The following SHISA9 variants were observed in gnomAD, a reference collection of about 807,000 sequenced individuals.
The protein encoded by SHISA9 is shisa family member 9.
In SHISA9, 13 loss-of-function variants were observed where a neutral mutation model predicts 38.0. That is an observed-to-expected ratio of 0.34 (90% CI 0.22 to 0.54). The LOEUF (loss-of-function observed/expected upper bound fraction) is 0.54. Among genes scored for constraint, SHISA9 ranks in the 20% least tolerant of loss-of-function variants. SHISA9 has a pLI of 0.91. For synonymous variants in SHISA9, 275 were observed against 242.0 expected, an observed-to-expected ratio of 1.14 and a Z score of -1.27; for missense variants, 538 against 575.8, an observed-to-expected ratio of 0.93 and a Z score of 0.67.
At chr16:13,004,421 C>T (rs1235790018) in intron 2 of SHISA9, among the ~76,000 whole-genome samples, 1 of 152,170 alleles carries the variant, frequency 6.6e-6, no homozygotes, top group Non-Finnish European at 1.5e-5. Context: ...TCGGTTCATG[C>T]TCTCTTTTTG....
the SHISA9 span, among the ~76,000 whole-genome samples, chr16:13,371,642 C>T: frequency 2.6e-4 from 39 of 152,330 alleles, 1 homozygote; most frequent in East Asian, 5.0e-3. Flanking sequence ...GTAAGATTAG[C>T]GATGTCCCTT....
chr16:12,985,964 C>T (rs559740109), intron 2 of SHISA9, among the ~76,000 whole-genome samples: 27 of 152,180 alleles, frequency 1.8e-4, no homozygotes, highest in African/African-American at 4.8e-4. Flanking sequence ...ACCAGGCCAG[C>T]GGTGGGGCCG....
the SHISA9 span, among the ~76,000 whole-genome samples, chr16:13,367,011 T>G: frequency 3.4e-5 from 5 of 146,992 alleles, no homozygotes; most frequent in Non-Finnish European, 7.5e-5. Context: ...AGAAGAAGAA[T>G]CGAGGTTGTA....
chr16:13,302,814 G>C, the SHISA9 span, among the ~76,000 whole-genome samples: 4 of 152,296 alleles, frequency 2.6e-5, no homozygotes, highest in East Asian at 7.7e-4. Context: ...CTTGGTGGGA[G>C]GTAATTGGGT....
chr16:13,140,761 G>A (rs78963900), intron 2 of SHISA9, among the ~76,000 whole-genome samples: 19 of 152,188 alleles, frequency 1.2e-4, no homozygotes, highest in East Asian at 1.9e-4. Flanking sequence ...TGTGAATTCT[G>A]TAGGGAGGGT....
At chr16:13,075,901 T>C (rs2073575482) in intron 2 of SHISA9, among the ~76,000 whole-genome samples, 1 of 152,136 alleles carries the variant, frequency 6.6e-6, no homozygotes, top group South Asian at 2.1e-4. Flanking sequence ...CTAGGGTGTT[T>C]AGCAACATCC....
At chr16:12,995,842 G>A (rs1281486420) in intron 2 of SHISA9, among the ~76,000 whole-genome samples, 8 of 152,172 alleles carry the variant, frequency 5.3e-5, no homozygotes, top group Non-Finnish European at 1.2e-4. Context: ...CAAGATGCGT[G>A]TACGAAAGTC....
chr16:12,966,591 G>T (rs2071981565), intron 2 of SHISA9, among the ~76,000 whole-genome samples: 2 of 152,090 alleles, frequency 1.3e-5, no homozygotes, highest in South Asian at 4.1e-4. Context: ...CACAAGGAAG[G>T]CATTCGTTAT....
At chr16:13,104,197 C>T (rs1204917003) in intron 2 of SHISA9, among the ~76,000 whole-genome samples, 1 of 152,078 alleles carries the variant, frequency 6.6e-6, no homozygotes, top group Non-Finnish European at 1.5e-5. Flanking sequence ...GTCTGAATTC[C>T]AGTTTGGCTT....
At chr16:12,940,530 C>T (rs1487746606) in intron 2 of SHISA9, among the ~76,000 whole-genome samples, 1 of 152,016 alleles carries the variant, frequency 6.6e-6, no homozygotes, top group Non-Finnish European at 1.5e-5. Context: ...TGCGGTCCAA[C>T]CCTAGCCAAT....
chr16:13,518,933 T>C, the SHISA9 span, among the ~76,000 whole-genome samples: 3 of 152,114 alleles, frequency 2.0e-5, no homozygotes, highest in Admixed American at 2.0e-4. Context: ...TGAACTTTCC[T>C]AGGAAACCCA....
the SHISA9 span, among the ~76,000 whole-genome samples, chr16:13,373,080 T>C: frequency 6.6e-6 from 1 of 152,148 alleles, no homozygotes; most frequent in Non-Finnish European, 1.5e-5. Context: ...TACTAACTAC[T>C]GTAGAAAGGT....
the SHISA9 span, among the ~76,000 whole-genome samples, chr16:13,437,864 C>CA: frequency 9.6e-6 from 1 of 104,490 alleles, no homozygotes; most frequent in Non-Finnish European, 2.0e-5. Context: ...CTTTTTTTTT[C>CA]TTTTTTTTTT....
chr16:13,361,558 T>C, the SHISA9 span, among the ~76,000 whole-genome samples: 5 of 152,360 alleles, frequency 3.3e-5, no homozygotes, highest in East Asian at 5.8e-4. Flanking sequence ...CATTTGTAGA[T>C]GACAAAATGC....
chr16:13,421,878 A>G, the SHISA9 span, among the ~76,000 whole-genome samples: 1 of 152,200 alleles, frequency 6.6e-6, no homozygotes, highest in Non-Finnish European at 1.5e-5. Flanking sequence ...TTCCAGCCAC[A>G]CTAAAAGAAA....
At chr16:12,986,794 A>G (rs1309301091) in intron 2 of SHISA9, among the ~76,000 whole-genome samples, 1 of 152,234 alleles carries the variant, frequency 6.6e-6, no homozygotes, top group African/African-American at 2.4e-5. Context: ...TACAACCATT[A>G]TCCCCAATTT....
intron 2 of SHISA9, among the ~76,000 whole-genome samples, chr16:13,062,509 T>G (rs1227624097): frequency 6.6e-6 from 1 of 152,108 alleles, no homozygotes; most frequent in Non-Finnish European, 1.5e-5. Flanking sequence ...AGTAGCTCAG[T>G]AGATTTTACT....
intron 2 of SHISA9, among the ~76,000 whole-genome samples, chr16:12,984,170 A>G (rs1057512807): frequency 6.6e-6 from 1 of 151,948 alleles, no homozygotes; most frequent in Non-Finnish European, 1.5e-5. Flanking sequence ...TGGCCAGTGC[A>G]CTCATCCCCA....
the SHISA9 span, among the ~76,000 whole-genome samples, chr16:13,450,174 C>G: frequency 6.6e-6 from 1 of 152,298 alleles, no homozygotes; most frequent in African/African-American, 2.4e-5. Context: ...CCATGTTCTA[C>G]TACTTACTTG....
Sources: gnomAD v4.1 joint callset for allele counts (sites outside exome capture counted in the v4.1 genomes callset) on GRCh38, gnomAD v4.1.1 for gene constraint, MANE v1.5 for transcripts, NCBI Gene and HGNC (gene_info 2026-07-23, HGNC 2026-07-21) for gene names.